RCOR1: variants seen among roughly 807,000 people sequenced by gnomAD.
RCOR1 encodes REST corepressor 1.
In RCOR1, 12 loss-of-function variants were observed where a neutral mutation model predicts 64.0. The observed-to-expected ratio is 0.19, with a 90% CI of 0.12 to 0.30. The LOEUF is 0.30. RCOR1 is among the 10% of genes least tolerant of loss of function. The probability of loss-of-function intolerance (pLI) is 1.00; values close to 1 mark genes in which losing one functional copy is unlikely to be tolerated. For synonymous variants in RCOR1, 279 were observed against 227.2 expected (o/e 1.23, Z -2.05); for missense variants, 502 against 621.2 (o/e 0.81, Z 2.04).
chr14:102,593,228 C>T (rs753977488), intron 1 of RCOR1, 38 bp from the exon 2 acceptor site: 82 of 1,482,218 alleles, frequency 5.5e-5, no homozygotes, highest in Middle Eastern at 2.2e-4. Flanking sequence ...CCCCGCGCCC[C>T]GCGCCGCGCT....
intron 2 of RCOR1, among the ~76,000 whole-genome samples, chr14:102,616,426 T>A (rs1289175057): frequency 6.6e-6 from 1 of 152,036 alleles, no homozygotes; most frequent in East Asian, 1.9e-4. Context: ...CACAGCACCA[T>A]GCCCAGCTAA....
At chr14:102,700,135 ATTTC>A (rs1895728002) in intron 3 of RCOR1, among the ~76,000 whole-genome samples, 1 of 152,146 alleles carries the variant, frequency 6.6e-6, no homozygotes, top group Non-Finnish European at 1.5e-5. Flanking sequence ...CCAATTTCAT[ATTTC>A]TTTTTACTGC....
chr14:102,667,361 C>T (rs1260242196), intron 2 of RCOR1, among the ~76,000 whole-genome samples: 2 of 151,940 alleles, frequency 1.3e-5, no homozygotes, highest in Non-Finnish European at 2.9e-5. Context: ...ACTAGCCGGG[C>T]GTGGTGGTGG....
At chr14:102,645,355 CT>C (rs1291052919) in intron 2 of RCOR1, among the ~76,000 whole-genome samples, 2 of 152,094 alleles carry the variant, frequency 1.3e-5, no homozygotes, top group Non-Finnish European at 2.9e-5. Context: ...AGAATTGTTT[CT>C]TTTTTTAAAA....
intron 2 of RCOR1, among the ~76,000 whole-genome samples, chr14:102,608,280 C>G (rs180771488): frequency 7.3e-4 from 111 of 152,300 alleles, no homozygotes; most frequent in Middle Eastern, 3.4e-3. Context: ...ATTACTTATT[C>G]TGGAACTTTC....
At chr14:102,634,765 C>T (rs944759069) in intron 2 of RCOR1, among the ~76,000 whole-genome samples, 3 of 151,606 alleles carry the variant, frequency 2.0e-5, no homozygotes, top group East Asian at 1.9e-4. Flanking sequence ...GGCGCGATCT[C>T]GACTCACGAC....
At chr14:102,724,097 A>G (rs1383217044) in intron 11 of RCOR1, among the ~76,000 whole-genome samples, 1 of 151,896 alleles carries the variant, frequency 6.6e-6, no homozygotes, top group Non-Finnish European at 1.5e-5. Flanking sequence ...TGTGGATTGC[A>G]TTATCAAAGT....
intron 2 of RCOR1, among the ~76,000 whole-genome samples, chr14:102,673,477 C>T (rs1222807773): frequency 6.6e-6 from 1 of 151,556 alleles, no homozygotes; most frequent in Non-Finnish European, 1.5e-5. Flanking sequence ...GCTGGGACTA[C>T]AGTCGCCCAC....
intron 2 of RCOR1, among the ~76,000 whole-genome samples, chr14:102,598,551 C>T (rs367615674): frequency 2.9e-5 from 3 of 103,076 alleles, no homozygotes; most frequent in Non-Finnish European, 4.7e-5. Context: ...GGGTTCATGC[C>T]GTTCTCCTGC....
rs755940844 is a variant in RCOR1, at chr14:102,625,041, AG to A, written c.361+31717del. Among the ~76,000 whole-genome samples the A allele has an allele frequency of 5.6e-4, 84 of 149,696 alleles. 1 individual carries two copies. The East Asian group carries it at 6.8e-3, about 12-fold the overall frequency. ...TACCATACACCTGGCTAATTAAAAA[AG>A]AAAAATTATTTTTGTAGAGATAAGG... is the stretch of plus-strand genomic sequence containing the variant. On this transcript the variant is annotated intron_variant, in intron 2 of 11. Coordinates refer to ENST00000262241, the MANE Select transcript of RCOR1 (RefSeq NM_015156.4).
At chr14:102,675,047 C>CAA (rs761294133) in intron 2 of RCOR1, among the ~76,000 whole-genome samples, 1,268 of 62,372 alleles carry the variant, frequency 0.02, 46 homozygotes, top group African/African-American at 0.057. Context: ...GACTCCACCT[C>CAA]AAAAAAAAAA....
At chr14:102,665,460 A>G (rs147360545) in intron 2 of RCOR1, among the ~76,000 whole-genome samples, 18 of 152,248 alleles carry the variant, frequency 1.2e-4, no homozygotes, top group African/African-American at 2.4e-4. Flanking sequence ...TTGGATTACA[A>G]TATTTTCAAT....
At chr14:102,707,148 C>T (rs1338669079) in intron 4 of RCOR1, among the ~76,000 whole-genome samples, 1 of 151,986 alleles carries the variant, frequency 6.6e-6, no homozygotes, top group African/African-American at 2.4e-5. Context: ...ATAAAAATTA[C>T]ATCACCTGAA....
intron 2 of RCOR1, among the ~76,000 whole-genome samples, chr14:102,668,183 T>C (rs764547200): frequency 1.8e-4 from 28 of 152,232 alleles, no homozygotes; most frequent in Non-Finnish European, 3.4e-4. Flanking sequence ...TCCTCTCTTC[T>C]GTTCACCCTG....
In RCOR1 at chr14:102,701,010, C is replaced by T. The variant is rs146533872; in HGVS notation, c.446-268C>T. ...CAAAGAGAGCTTGTGCAGGGAAACT[C>T]CCCTTTTTAAAACCATCAGATCTTG... is the stretch of plus-strand genomic sequence containing the variant. On this transcript the variant is annotated intron_variant, in intron 3 of 11. Coordinates refer to ENST00000262241, the MANE Select transcript of RCOR1 (RefSeq NM_015156.4). Among the ~76,000 whole-genome samples, 912 of 152,300 alleles carry T rather than the reference C, an allele frequency of 6.0e-3. 9 individuals carry two copies. Among genetic ancestry groups the T allele is most frequent in the African/African-American group, 0.021 (879 of 41,570 alleles).
intron 2 of RCOR1, among the ~76,000 whole-genome samples, chr14:102,647,178 C>G (rs1894493689): frequency 6.6e-6 from 1 of 152,178 alleles, no homozygotes; most frequent in Non-Finnish European, 1.5e-5. Flanking sequence ...TTTCAGAACA[C>G]TGAGAATAGA....
In RCOR1 at chr14:102,722,215, G is replaced by C; in HGVS notation, c.1218G>C (p.Gln406His). ...QAIRKYGRDF[Q>H]AISDVIGNKS... ...TCAGGAAATATGGCCGAGATTTTCAGGCAATCTCAGACGTGATTGGGAACA... is the reference window on the plus strand; with the variant it reads ...TCAGGAAATATGGCCGAGATTTTCACGCAATCTCAGACGTGATTGGGAACA... Residue 406 changes from glutamine (Q) to histidine (H), a missense_variant, in exon 11 of 12, where the codon CAG (glutamine) becomes CAC (histidine). Around this residue, in one of 2 missense-constraint regions of RCOR1, gnomAD observed 260 missense variants for 416.4 expected, o/e 0.62. Transcript: ENST00000262241. 6.2e-7 allele frequency: 1 copy of C among 1,614,072 alleles called. No homozygotes were observed. The highest frequency in any genetic ancestry group is 8.5e-7 in the Non-Finnish European group (1 of 1,179,956).
intron 2 of RCOR1, among the ~76,000 whole-genome samples, chr14:102,615,021 C>T (rs1033568861): frequency 1.1e-4 from 16 of 151,730 alleles, no homozygotes; most frequent in East Asian, 3.9e-4. Flanking sequence ...TTAGTAGAGA[C>T]GGGGTTTCAC....
At chr14:102,707,576 C>T in intron 5 of RCOR1, 64 bp downstream of exon 5, 1 of 1,302,744 alleles carries the variant, frequency 7.7e-7, no homozygotes, top group Non-Finnish European at 1.1e-6. Context: ...TTGCAGCATA[C>T]TTGAGATAGG....
Sources: allele counts gnomAD v4.1 joint callset (sites outside exome capture counted in the v4.1 genomes callset), GRCh38; gene constraint gnomAD v4.1.1; regional missense constraint gnomAD v4.1.1; transcripts MANE v1.5; gene names NCBI Gene and HGNC (gene_info 2026-07-23, HGNC 2026-07-21).